CACNA1G: variants seen among roughly 807,000 people sequenced by gnomAD.
CACNA1G encodes the protein calcium voltage-gated channel subunit alpha1 G.
A neutral mutation model predicts 219.4 loss-of-function variants in CACNA1G; 67 were observed. That is an observed-to-expected ratio of 0.31 (90% CI 0.25 to 0.37). The LOEUF (loss-of-function observed/expected upper bound fraction) is 0.37. Among genes scored for constraint, CACNA1G ranks in the 10% least tolerant of loss-of-function variants. The pLI, the probability that CACNA1G is intolerant of heterozygous loss-of-function variation, is 1.00. For missense variants in CACNA1G, 2,380 were observed against 3,231.4 expected, an observed-to-expected ratio of 0.74 and a Z score of 6.39; for synonymous variants, 1,296 against 1,345.3, an observed-to-expected ratio of 0.96 and a Z score of 0.80.
chr17:50,600,198 G>C lies in CACNA1G; in HGVS notation c.3690+339G>C, dbSNP rs1197237666. Among the ~76,000 whole-genome samples the C allele has an allele frequency of 6.6e-6, 1 of 152,012 alleles. No homozygotes were observed. Among genetic ancestry groups the C allele is most frequent in the Non-Finnish European group, 1.5e-5 (1 of 68,006 alleles). The stretch of plus-strand genomic sequence containing the variant: ...CTGATGCCCCGCATCCCCCTTTCTC[G>C]TCTCAACCTCATCACAAGCCATGAC... On this transcript the variant is annotated intron_variant, in intron 17 of 37. Coordinates refer to ENST00000359106, the MANE Select transcript of CACNA1G (RefSeq NM_018896.5). This position sits in a 1 kb window ranked among gnomAD's most constrained non-coding sequence, Gnocchi z 4.1.
Position 50,626,371 on chromosome 17 carries a change from C to T in CACNA1G, c.6754C>T (p.Gln2252Ter). Residue 2252 changes from glutamine to a stop codon, truncating the protein, a stop_gained, in exon 38 of 38, where the codon CAG becomes TAG. Coordinates refer to ENST00000359106, the MANE Select transcript of CACNA1G (RefSeq NM_018896.5). LOFTEE classifies it high-confidence loss of function. This position sits in a 1 kb window ranked among gnomAD's most constrained non-coding sequence, Gnocchi z 4.3. ...GAAGAAGTGCTACAGCGTGGAGGCCCAGAGCTGCCAGCGCCGGCCTACGTC... is the reference window on the plus strand; with the variant it reads ...GAAGAAGTGCTACAGCGTGGAGGCCTAGAGCTGCCAGCGCCGGCCTACGTC... The part of the protein sequence containing the change: ...DLKKCYSVEA[Q>*]SCQRRPTSWL... The T allele has an allele frequency of 6.2e-7, 1 of 1,612,174 alleles. No individual in the cohort carries two copies. The highest frequency in any genetic ancestry group is 8.5e-7 in the Non-Finnish European group (1 of 1,179,336).
intron 1 of CACNA1G, among the ~76,000 whole-genome samples, chr17:50,566,152 G>A (rs548921153): frequency 5.9e-5 from 9 of 152,302 alleles, no homozygotes; most frequent in Non-Finnish European, 1.2e-4. Flanking sequence ...AGTCAGGGGA[G>A]ATCATGTGAG....
chr17:50,612,906 G>A (rs1191792176), intron 26 of CACNA1G, among the ~76,000 whole-genome samples: 1 of 152,238 alleles, frequency 6.6e-6, no homozygotes. Context: ...CTGGACTATG[G>A]TTGGAGCTCT....
chr17:50,582,943 G>A (rs1435889727), intron 9 of CACNA1G, among the ~76,000 whole-genome samples: 1 of 152,124 alleles, frequency 6.6e-6, no homozygotes, highest in Non-Finnish European at 1.5e-5. Context: ...TCCAGAGAGG[G>A]TTTCTATTTA....
At chr17:50,592,682 G>A (rs890230723) in intron 13 of CACNA1G, among the ~76,000 whole-genome samples, 3 of 152,214 alleles carry the variant, frequency 2.0e-5, no homozygotes, top group South Asian at 2.1e-4. Flanking sequence ...TCCTGCCCTT[G>A]CCATGTCAGC....
rs771901102 is a variant in CACNA1G at position 50,601,214 on chromosome 17, G to A, written c.3915+40G>A. ...CCGCTCAGGGCAAGGCCTCTCCTGGGGTTTGCACTCAGGACCAGTGAGGGA... is the reference window on the plus strand; with the variant it reads ...CCGCTCAGGGCAAGGCCTCTCCTGGAGTTTGCACTCAGGACCAGTGAGGGA... On this transcript the variant is annotated intron_variant, in intron 19 of 37. Coordinates refer to ENST00000359106, the MANE Select transcript of CACNA1G (RefSeq NM_018896.5). The A allele has an allele frequency of 3.1e-6, 5 of 1,607,350 alleles. No individual in the cohort carries two copies. The South Asian group carries it at 4.4e-5, about 14-fold the overall frequency.
Position 50,606,905 on chromosome 17 carries a change from G to A in CACNA1G, c.4428G>A (p.Leu1476=). ...CTTCTCCTCCTCCCCATCAGGCCCT[G>A]ATGTCCCTGTTCGTTTTGGCCTCCA... ...KYNFDNLGQA[L]MSLFVLASKD... The change falls in exon 24 of 38, where the codon CTG becomes CTA. Residue 1476 remains leucine (L), a synonymous_variant. Transcript: ENST00000359106. The A allele has an allele frequency of 6.2e-7, 1 of 1,612,578 alleles. No homozygotes were observed. Among genetic ancestry groups the A allele is most frequent in the Non-Finnish European group, 8.5e-7 (1 of 1,178,622 alleles).
Position 50,572,642 on chromosome 17 carries a change from A to T in CACNA1G, c.835A>T (p.Met279Leu). The T allele has an allele frequency of 6.2e-7, 1 of 1,603,144 alleles. No individual in the cohort carries two copies. Among genetic ancestry groups the T allele is most frequent in the South Asian group, 1.1e-5 (1 of 89,508 alleles). The change falls in exon 6 of 38, where the codon ATG (methionine) becomes TTG (leucine). Residue 279 changes from methionine to leucine, a missense_variant. Physicochemically the swap from Met to Leu is conservative, Grantham distance 15. Transcript: ENST00000359106. Reference protein sequence around the residue: ...FICSQPRENGMRSCRSVPTLR... With the variant: ...FICSQPRENGLRSCRSVPTLR... ...CTGCTCCCAGCCACGCGAGAACGGC[A>T]TGCGGTCCTGCAGAAGCGTGCCCAC...
At chr17:50,623,037 C>G (rs1277448805) in intron 35 of CACNA1G, among the ~76,000 whole-genome samples, 1 of 151,482 alleles carries the variant, frequency 6.6e-6, no homozygotes, top group African/African-American at 2.4e-5. Flanking sequence ...TGGGAGGGTC[C>G]TCTCCCCCTC....
intron 2 of CACNA1G, 51 bp from the exon 3 acceptor site, chr17:50,569,114 G>T: frequency 6.3e-7 from 1 of 1,598,698 alleles, no homozygotes; most frequent in South Asian, 1.1e-5. Flanking sequence ...GGACTAGAGG[G>T]TATTCCCTCA....
chr17:50,594,084 G>T (rs549987344), intron 13 of CACNA1G, among the ~76,000 whole-genome samples: 14 of 152,304 alleles, frequency 9.2e-5, no homozygotes, highest in African/African-American at 3.4e-4. Flanking sequence ...CATTTTGGTG[G>T]GCTTCCCCAG....
chr17:50,591,875 G>T (rs1200099288), intron 12 of CACNA1G, 22 bp downstream of exon 12: 2 of 1,613,652 alleles, frequency 1.2e-6, no homozygotes, highest in Non-Finnish European at 1.7e-6. Flanking sequence ...ACAGGGCAGG[G>T]CGTGGACAGG....
At chr17:50,570,557 C>CTGTGTGTGTGTGTGTGTGTGTGTGTG (rs3062844) in intron 4 of CACNA1G, among the ~76,000 whole-genome samples, 1,908 of 132,618 alleles carry the variant, frequency 0.014, 54 homozygotes, top group African/African-American at 0.024. Flanking sequence ...CCCCTGCGCT[C>CTGTGTGTGTGTGTGTGTGTGTGTGTG]TGTGTGTGTG....
rs752728035 is a variant in CACNA1G at position 50,604,125 on chromosome 17, C to A, written c.4170-30C>A. Reference sequence around the variant, plus strand: ...AAGGGAGGGTCTGGGCTGGGGGAAGCCTTATCACCTCCCTCCCTCCCCTCC... The same window carrying A: ...AAGGGAGGGTCTGGGCTGGGGGAAGACTTATCACCTCCCTCCCTCCCCTCC... On this transcript the variant is annotated intron_variant, in intron 21 of 37. Transcript: ENST00000359106. The A allele has an allele frequency of 5.0e-6, 8 of 1,606,092 alleles. No individual in the cohort carries two copies. The African/African-American group carries it at 8.0e-5, about 16-fold the overall frequency.
At chr17:50,609,690 C>T (rs1426784735) in intron 25 of CACNA1G, among the ~76,000 whole-genome samples, 192 bp from the exon 26 acceptor site, 2 of 152,200 alleles carry the variant, frequency 1.3e-5, no homozygotes, top group African/African-American at 4.8e-5. Flanking sequence ...CAGCTAGCCA[C>T]ATTGCTTGTC....
At chr17:50,624,324 T>TCCCCCCCCCCCCCCCCCCCGGG in intron 36 of CACNA1G, 36 bp from the exon 37 acceptor site, 2 of 1,177,664 alleles carry the variant, frequency 1.7e-6, no homozygotes, top group Non-Finnish European at 2.4e-6. Flanking sequence ...CTCCATTCTC[T>TCCCCCCCCCCCCCCCCCCCGGG]CCCCCCACCC....
intron 1 of CACNA1G, among the ~76,000 whole-genome samples, chr17:50,564,923 A>G (rs1255561858): frequency 6.6e-6 from 1 of 151,984 alleles, no homozygotes; most frequent in African/African-American, 2.4e-5. Flanking sequence ...GGTCACACAC[A>G]CATTCCTTCC....
intron 26 of CACNA1G, among the ~76,000 whole-genome samples, chr17:50,615,017 C>T (rs2050164316): frequency 6.6e-6 from 1 of 152,190 alleles, no homozygotes; most frequent in Non-Finnish European, 1.5e-5. Flanking sequence ...TCGTATCGAT[C>T]TGGCCTTGCT....
chr17:50,597,021 T>A, intron 16 of CACNA1G, 98 bp downstream of exon 16: 1 of 1,157,180 alleles, frequency 8.6e-7, no homozygotes, highest in Non-Finnish European at 1.2e-6. Context: ...GCACAGCCCC[T>A]GCCCCATGGG....
Sources: allele counts gnomAD v4.1 joint callset (sites outside exome capture counted in the v4.1 genomes callset), GRCh38; gene constraint gnomAD v4.1.1; non-coding constraint Gnocchi (gnomAD v3.1); transcripts MANE v1.5; gene names NCBI Gene and HGNC (gene_info 2026-07-23, HGNC 2026-07-21).